Variants in COL14A1 observed in about 807,000 individuals in gnomAD.
COL14A1 encodes the protein collagen alpha-1(XIV) chain.
Under a neutral mutation model 230.3 loss-of-function variants are expected in COL14A1, and 136 were observed. The observed-to-expected ratio is 0.59, with a 90% CI of 0.51 to 0.68. COL14A1 has a LOEUF of 0.68. Among genes scored for constraint, COL14A1 ranks in the 30% least tolerant of loss-of-function variants. The pLI is 0.00. For synonymous variants in COL14A1, 792 were observed against 784.1 expected (o/e 1.01, Z -0.17); for missense variants, 1,976 against 2,215.8 (o/e 0.89, Z 2.17).
intron 4 of COL14A1, among the ~76,000 whole-genome samples, 182 bp downstream of exon 4, chr8:120,162,751 T>C (rs1354754884): frequency 1.3e-5 from 2 of 152,176 alleles, no homozygotes; most frequent in Admixed American, 6.5e-5. Flanking sequence ...TACCCTTCCC[T>C]TTCCCCCATT....
chr8:120,231,698 A>C, intron 19 of COL14A1, 80 bp downstream of exon 19: 1 of 1,409,800 alleles, frequency 7.1e-7, no homozygotes, highest in Non-Finnish European at 9.7e-7. Context: ...AGATCAATGC[A>C]AACTTTACTG....
intron 40 of COL14A1, among the ~76,000 whole-genome samples, chr8:120,317,985 A>T (rs1185424041): frequency 6.6e-6 from 1 of 152,148 alleles, no homozygotes; most frequent in South Asian, 2.1e-4. Flanking sequence ...CTCATTCTTT[A>T]TAGGGCCATG....
At chr8:120,161,434 T>G (rs1306382466) in intron 3 of COL14A1, among the ~76,000 whole-genome samples, 2 of 152,228 alleles carry the variant, frequency 1.3e-5, no homozygotes, top group African/African-American at 2.4e-5. Context: ...AAGCCTTAGA[T>G]GTCAGTGTAA....
intron 42 of COL14A1, among the ~76,000 whole-genome samples, chr8:120,339,818 C>T (rs1822221177): frequency 6.6e-6 from 1 of 151,936 alleles, no homozygotes; most frequent in Non-Finnish European, 1.5e-5. Flanking sequence ...GGGCAGATCA[C>T]TTGAGGTTCA....
chr8:120,338,203 C>T (rs1046781753), intron 42 of COL14A1, among the ~76,000 whole-genome samples: 4 of 152,262 alleles, frequency 2.6e-5, no homozygotes, highest in African/African-American at 4.8e-5. Flanking sequence ...TTTAAAAAAA[C>T]GACTCAAGTT....
At chr8:120,223,916 C>A (rs1318077524) in intron 14 of COL14A1, among the ~76,000 whole-genome samples, 1 of 151,776 alleles carries the variant, frequency 6.6e-6, no homozygotes, top group Non-Finnish European at 1.5e-5. Flanking sequence ...ACAATATGCA[C>A]CCTGTACTAT....
chr8:120,231,810 C>A, intron 19 of COL14A1, 192 bp downstream of exon 19: 1 of 566,742 alleles, frequency 1.8e-6, no homozygotes, highest in Non-Finnish European at 3.0e-6. Context: ...AAAACTTGCT[C>A]CATGTACAAC....
At chr8:120,356,985 C>A (rs191916729) in intron 45 of COL14A1, among the ~76,000 whole-genome samples, 30 of 135,970 alleles carry the variant, frequency 2.2e-4, no homozygotes, top group African/African-American at 7.7e-4. Flanking sequence ...TTCTTTGCAT[C>A]ATCTTTTATT....
intron 6 of COL14A1, 117 bp from the exon 7 acceptor site, chr8:120,197,694 C>A (rs1817084549): frequency 1.9e-6 from 2 of 1,059,346 alleles, no homozygotes; most frequent in Non-Finnish European, 2.7e-6. Context: ...TATAGCCAGG[C>A]CAAAATAAAA....
chr8:120,237,401 T>C (rs1379854544), intron 19 of COL14A1, among the ~76,000 whole-genome samples: 2 of 152,224 alleles, frequency 1.3e-5, no homozygotes, highest in East Asian at 1.9e-4. Flanking sequence ...TTGATCAATT[T>C]GGCTATTGAT....
At chr8:120,194,792 G>T (rs972136791) in intron 5 of COL14A1, among the ~76,000 whole-genome samples, 1 of 152,124 alleles carries the variant, frequency 6.6e-6, no homozygotes, top group African/African-American at 2.4e-5. Flanking sequence ...CTCCATTTGA[G>T]AGTAACTTTT....
intron 11 of COL14A1, 75 bp downstream of exon 11, chr8:120,208,436 G>T (rs772088599): frequency 1.1e-5 from 17 of 1,491,504 alleles, no homozygotes; most frequent in Non-Finnish European, 1.5e-5. Context: ...TTGAAATTCT[G>T]CTCAGGTCAT....
chr8:120,170,526 T>C (rs1816064036), intron 5 of COL14A1, among the ~76,000 whole-genome samples: 1 of 152,046 alleles, frequency 6.6e-6, no homozygotes, highest in Non-Finnish European at 1.5e-5. Flanking sequence ...GGAATATTCT[T>C]TGAAATTTGT....
intron 3 of COL14A1, 109 bp from the exon 4 acceptor site, chr8:120,162,316 CA>C (rs1417696428): frequency 1.2e-6 from 1 of 819,648 alleles, no homozygotes; most frequent in African/African-American, 1.8e-5. Flanking sequence ...AAACACATTT[CA>C]AAAAATGCCT....
rs2305606 is a variant in COL14A1 at position 120,247,697 on chromosome 8, C to T, written c.2564C>T (p.Pro855Leu). The T allele has an allele frequency of 1.7e-3, 2,801 of 1,614,042 alleles. 31 individuals carry two copies. The highest frequency in any genetic ancestry group is 0.014 in the South Asian group (1,299 of 91,070). ...ATTACGTGGGACCCCCCATCTTCCC[C>T]GGTGAAAGGCTATAGAATTGTCTAC... ...LRITWDPPSS[P>L]VKGYRIVYKP... Residue 855 changes from proline to leucine, a missense_variant, in exon 21 of 48, where the codon CCG becomes CTG. By Grantham distance (98) the Pro-to-Leu change is moderately conservative. This residue lies in a region of COL14A1 where 1,791 missense variants were observed against 2,019.5 expected (regional missense o/e 0.89). Coordinates refer to ENST00000297848, the MANE Select transcript of COL14A1 (RefSeq NM_021110.4).
intron 5 of COL14A1, among the ~76,000 whole-genome samples, chr8:120,172,399 C>T (rs1427158115): frequency 6.6e-6 from 1 of 152,158 alleles, no homozygotes; most frequent in Non-Finnish European, 1.5e-5. Flanking sequence ...GATCTACCTG[C>T]CTCTGTCTCC....
intron 40 of COL14A1, among the ~76,000 whole-genome samples, chr8:120,322,729 G>GT (rs55890516): frequency 0.38 from 56,471 of 149,528 alleles, 10,663 homozygotes; most frequent in Middle Eastern, 0.45. Context: ...ACATGTTCTT[G>GT]TTTTTTTTTT....
chr8:120,176,548 A>C (rs1816287972), intron 5 of COL14A1, among the ~76,000 whole-genome samples: 1 of 152,136 alleles, frequency 6.6e-6, no homozygotes, highest in Admixed American at 6.6e-5. Flanking sequence ...GATCTGGCAA[A>C]CCCAGGACTG....
chr8:120,202,091 G>A (rs1334649040), intron 8 of COL14A1, among the ~76,000 whole-genome samples: 1 of 152,162 alleles, frequency 6.6e-6, no homozygotes, highest in Admixed American at 6.6e-5. Context: ...AACCATCAGA[G>A]AGATTTATTT....
Sources: allele counts gnomAD v4.1 joint callset (sites outside exome capture counted in the v4.1 genomes callset), GRCh38; gene constraint gnomAD v4.1.1; regional missense constraint gnomAD v4.1.1; transcripts MANE v1.5; gene names NCBI Gene and HGNC (gene_info 2026-07-23, HGNC 2026-07-21).